The following ABL2 variants were observed in gnomAD, a reference collection of about 807,000 sequenced individuals.
The protein encoded by ABL2 is ABL proto-oncogene 2, non-receptor tyrosine kinase.
ABL2 carries 49 observed loss-of-function variants against 107.7 expected under a neutral mutation model. The ratio of observed to expected loss-of-function variants is 0.45; its 90% confidence interval spans 0.36 to 0.58. The LOEUF is 0.58. Ranked by LOEUF, ABL2 falls within the 20% of genes least tolerant of loss-of-function variation. The pLI is 0.00. For missense variants in ABL2, 1,245 were observed against 1,457.0 expected (o/e 0.85, Z 2.37); for synonymous variants, 549 against 548.6 (o/e 1.00, Z -0.01).
chr1:179,223,998 G>A (rs943476819), intron 1 of ABL2, among the ~76,000 whole-genome samples: 14 of 150,038 alleles, frequency 9.3e-5, no homozygotes, highest in Admixed American at 1.3e-4. Flanking sequence ...GCATGGTGGC[G>A]TGCACCTATA....
At chr1:179,216,154 C>T (rs58038462) in intron 1 of ABL2, among the ~76,000 whole-genome samples, 4,716 of 152,194 alleles carry the variant, frequency 0.031, 119 homozygotes, top group Middle Eastern at 0.082. Context: ...ATAGAGAAGC[C>T]GGCAGTTCTA....
At chr1:179,185,436 CCT>C (rs909846867) in intron 1 of ABL2, among the ~76,000 whole-genome samples, 6 of 151,836 alleles carry the variant, frequency 4.0e-5, no homozygotes, top group East Asian at 1.9e-4. Flanking sequence ...TAATTTTCAC[CCT>C]GTTTTTTTTA....
intron 1 of ABL2, among the ~76,000 whole-genome samples, chr1:179,215,469 C>T (rs2124839580): frequency 6.6e-6 from 1 of 152,230 alleles, no homozygotes; most frequent in African/African-American, 2.4e-5. Flanking sequence ...CACTGTGGCT[C>T]ACGCCTGTAA....
At chr1:179,219,635 T>A (rs1662769199) in intron 1 of ABL2, among the ~76,000 whole-genome samples, 1 of 152,274 alleles carries the variant, frequency 6.6e-6, no homozygotes, top group Admixed American at 6.5e-5. Flanking sequence ...CAAAGACAAA[T>A]GGTCTAGAGA....
At chr1:179,180,441 G>C (rs1660307871) in intron 1 of ABL2, among the ~76,000 whole-genome samples, 1 of 152,182 alleles carries the variant, frequency 6.6e-6, no homozygotes, top group Non-Finnish European at 1.5e-5. Flanking sequence ...GGAAGGAGCT[G>C]ATATGTCCCA....
At chr1:179,223,394 C>T (rs1206373873) in intron 1 of ABL2, among the ~76,000 whole-genome samples, 3 of 142,576 alleles carry the variant, frequency 2.1e-5, no homozygotes, top group African/African-American at 7.8e-5. Context: ...GCCTAGGCAA[C>T]AGAGCAAGAC....
chr1:179,210,512 A>G (rs1558001355), intron 1 of ABL2, among the ~76,000 whole-genome samples: 4 of 150,704 alleles, frequency 2.7e-5, no homozygotes, highest in Non-Finnish European at 4.4e-5. Context: ...ACAAAAAAAA[A>G]AAAAAAGAAA....
At chr1:179,116,249 C>T (rs1233870935) in intron 8 of ABL2, among the ~76,000 whole-genome samples, 2 of 152,096 alleles carry the variant, frequency 1.3e-5, no homozygotes, top group African/African-American at 2.4e-5. Flanking sequence ...TGATGCATGC[C>T]TGTAGTCCCA....
At chr1:179,197,167 C>T (rs1310332335) in intron 1 of ABL2, among the ~76,000 whole-genome samples, 2 of 152,038 alleles carry the variant, frequency 1.3e-5, no homozygotes, top group Non-Finnish European at 2.9e-5. Flanking sequence ...CCAAAAACTG[C>T]TGTAGTTTCT....
intron 1 of ABL2, among the ~76,000 whole-genome samples, chr1:179,191,780 T>A (rs1016073001): frequency 5.3e-5 from 8 of 152,252 alleles, no homozygotes; most frequent in African/African-American, 1.9e-4. Flanking sequence ...CAACACTCTG[T>A]AAAGGTTTTT....
chr1:179,227,705 T>A (rs1269781329), intron 1 of ABL2, among the ~76,000 whole-genome samples: 1 of 152,156 alleles, frequency 6.6e-6, no homozygotes, highest in East Asian at 1.9e-4. Context: ...AGCTCATATA[T>A]CACCTTCATA....
chr1:179,197,158 C>T (rs1280595071), intron 1 of ABL2, among the ~76,000 whole-genome samples: 11 of 151,826 alleles, frequency 7.2e-5, no homozygotes, highest in Non-Finnish European at 1.3e-4. Flanking sequence ...GAGACTTTTC[C>T]AAAAACTGCT....
intron 3 of ABL2, among the ~76,000 whole-genome samples, chr1:179,129,315 T>C (rs1656051882): frequency 6.6e-6 from 1 of 152,196 alleles, no homozygotes; most frequent in Non-Finnish European, 1.5e-5. Context: ...GAGTCATCAC[T>C]TCACAAATTT....
chr1:179,210,865 A>G (rs981186308), intron 1 of ABL2, among the ~76,000 whole-genome samples: 1 of 151,720 alleles, frequency 6.6e-6, no homozygotes, highest in African/African-American at 2.4e-5. Flanking sequence ...AAAAAATAAT[A>G]ATAATAAATA....
chr1:179,216,104 C>T (rs1036603533), intron 1 of ABL2, among the ~76,000 whole-genome samples: 1 of 152,160 alleles, frequency 6.6e-6, no homozygotes, highest in Non-Finnish European at 1.5e-5. Context: ...CCAGCTTTAG[C>T]GTTCTGCTGG....
At chr1:179,184,595 A>G in intron 1 of ABL2, 1 of 558,240 alleles carries the variant, frequency 1.8e-6, no homozygotes, top group Non-Finnish European at 3.3e-6. Context: ...GAGGAGGAAG[A>G]GGAAGGATTA....
At position 179,103,447 on chromosome 1, in the gene ABL2, T is replaced by G. The variant is rs958776735; in HGVS notation, c.*4271A>C. On this transcript the variant is annotated 3_prime_UTR_variant, in exon 12 of 12. Transcript: ENST00000502732. The stretch of plus-strand genomic sequence containing the variant: ...TGCTGTCATATACATTATCTCATAG[T>G]CATTAAAATAATGTGAACAATAAAG... 2 of 203,744 alleles carry G rather than the reference T, an allele frequency of 9.8e-6. No individual in the cohort carries two copies. Among genetic ancestry groups the G allele is most frequent in the Admixed American group, 6.0e-5 (1 of 16,754 alleles). The allele number at this position is 203,744 out of a possible 1,614,324, so 12.6% of individuals were successfully genotyped here.
chr1:179,144,261 T>C (rs1657838717), intron 1 of ABL2, among the ~76,000 whole-genome samples: 2 of 151,664 alleles, frequency 1.3e-5, no homozygotes, highest in African/African-American at 4.8e-5. Flanking sequence ...ATCGAGACCA[T>C]CCTCCTGGCT....
intron 1 of ABL2, among the ~76,000 whole-genome samples, chr1:179,198,512 G>A (rs1455967811): frequency 2.6e-5 from 4 of 151,730 alleles, no homozygotes; most frequent in Non-Finnish European, 5.9e-5. Context: ...GGCCAACATG[G>A]TGAAACCCCC....
Sources: gnomAD v4.1 joint callset for allele counts (sites outside exome capture counted in the v4.1 genomes callset) on GRCh38, gnomAD v4.1.1 for gene constraint, MANE v1.5 for transcripts, NCBI Gene and HGNC (gene_info 2026-07-23, HGNC 2026-07-21) for gene names.